The following ODAD2 variants were observed in gnomAD, a reference collection of about 807,000 sequenced individuals.
The protein encoded by ODAD2 is outer dynein arm docking complex subunit 2.
Under a neutral mutation model 106.8 loss-of-function variants are expected in ODAD2, and 89 were observed. The observed-to-expected ratio is 0.83, with a 90% CI of 0.70 to 0.99. ODAD2 has a LOEUF of 0.99. Ranked by LOEUF, ODAD2 falls within the 50% of genes least tolerant of loss-of-function variation. The pLI, the probability that ODAD2 is intolerant of heterozygous loss-of-function variation, is 0.00. For synonymous variants in ODAD2, 404 were observed against 436.2 expected, an observed-to-expected ratio of 0.93 and a Z score of 0.92; for missense variants, 1,168 against 1,238.5, an observed-to-expected ratio of 0.94 and a Z score of 0.85.
chr10:27,912,992 T>C (rs1844114365), intron 16 of ODAD2, among the ~76,000 whole-genome samples: 1 of 152,184 alleles, frequency 6.6e-6, no homozygotes, highest in East Asian at 1.9e-4. Flanking sequence ...AGTCTTGGGA[T>C]AAGTATGTCA....
intron 16 of ODAD2, among the ~76,000 whole-genome samples, chr10:27,934,743 G>A (rs1845845326): frequency 6.6e-6 from 1 of 152,062 alleles, no homozygotes; most frequent in Admixed American, 6.6e-5. Context: ...GAAAAGTTTT[G>A]TTGACTGAAT....
intron 19 of ODAD2, among the ~76,000 whole-genome samples, chr10:27,846,716 A>G (rs1253625837): frequency 6.7e-6 from 1 of 148,610 alleles, no homozygotes; most frequent in Non-Finnish European, 1.5e-5. Context: ...AATCAAATAG[A>G]CGCAATAAAA....
chr10:27,884,898 T>C (rs988991469), intron 17 of ODAD2, among the ~76,000 whole-genome samples: 18 of 152,168 alleles, frequency 1.2e-4, no homozygotes, highest in African/African-American at 4.3e-4. Flanking sequence ...CTGCTTTTAC[T>C]CTGGGATGAT....
intron 17 of ODAD2, among the ~76,000 whole-genome samples, chr10:27,885,893 A>ATATATT (rs1564467160): frequency 8.3e-5 from 10 of 121,088 alleles, no homozygotes; most frequent in African/African-American, 3.1e-4. Context: ...GGATATATAT[A>ATATATT]TTTATATATA....
rs1044076863 is a variant in ODAD2, at chr10:27,882,928, CA to C, written c.2611-20307del. 3.4e-4 allele frequency among the ~76,000 whole-genome samples: 48 copies of C among 141,342 alleles called. No homozygotes were observed. The South Asian group carries it at 7.1e-3, about 21-fold the overall frequency. The allele number at this position is 141,342 out of a possible 152,430, so 92.7% of individuals were successfully genotyped here. A position where few individuals can be genotyped will look rare whatever the true frequency, so the allele number is the denominator to read the frequency against. Reference sequence around the variant, plus strand: ...TACAAAATCAGTGGCAATTATTTAACAAAAAAAAAAGCTGCTTGAGATAAGC... The same window carrying C: ...TACAAAATCAGTGGCAATTATTTAACAAAAAAAAAGCTGCTTGAGATAAGC... On this transcript the variant is annotated intron_variant, in intron 17 of 19. Transcript: ENST00000305242.
At chr10:27,831,585 A>C (rs1837482845) in intron 19 of ODAD2, among the ~76,000 whole-genome samples, 1 of 152,250 alleles carries the variant, frequency 6.6e-6, no homozygotes, top group South Asian at 2.1e-4. Context: ...CCAAAGTTGC[A>C]GATCTTGGCA....
Position 27,991,235 on chromosome 10 carries a change from A to G in ODAD2, c.224+3684T>C, listed in dbSNP as rs185991352. 5.3e-4 allele frequency among the ~76,000 whole-genome samples: 80 copies of G among 152,334 alleles called. 1 individual carries two copies. The East Asian group carries it at 0.015, about 28-fold the overall frequency. On this transcript the variant is annotated intron_variant, in intron 2 of 19. Transcript: ENST00000305242. ...AGAGACCTATGATTTCCATGAAATG[A>G]AAGTAGAGCTATTTGACCCCCAGCC...
intron 16 of ODAD2, among the ~76,000 whole-genome samples, chr10:27,921,831 A>ATTT (rs748090989): frequency 9.4e-5 from 13 of 138,802 alleles, no homozygotes; most frequent in African/African-American, 3.4e-4. Flanking sequence ...ATAGAGCAGT[A>ATTT]TTTTATTTTT....
chr10:27,855,106 G>A (rs1332163450), intron 19 of ODAD2, among the ~76,000 whole-genome samples: 2 of 152,110 alleles, frequency 1.3e-5, no homozygotes, highest in Non-Finnish European at 2.9e-5. Flanking sequence ...ATGTGTGGGT[G>A]TAGGCATATA....
At chr10:27,842,043 C>A (rs959074968) in intron 19 of ODAD2, among the ~76,000 whole-genome samples, 4 of 152,178 alleles carry the variant, frequency 2.6e-5, no homozygotes, top group Non-Finnish European at 4.4e-5. Flanking sequence ...GCTGCAAATT[C>A]TTCTCCTCAC....
intron 3 of ODAD2, among the ~76,000 whole-genome samples, chr10:27,987,100 T>C (rs1299358754): frequency 2.0e-5 from 3 of 152,268 alleles, no homozygotes; most frequent in Non-Finnish European, 4.4e-5. Context: ...TTCCAGAAGC[T>C]GAGAAGGTTC....
intron 3 of ODAD2, among the ~76,000 whole-genome samples, chr10:27,986,126 G>A (rs1253871576): frequency 6.6e-6 from 1 of 152,166 alleles, no homozygotes; most frequent in Non-Finnish European, 1.5e-5. Flanking sequence ...CCTTAAGGCT[G>A]AGAAAAGGAC....
chr10:27,946,744 A>C (rs1931889), intron 10 of ODAD2, among the ~76,000 whole-genome samples: 1 of 151,948 alleles, frequency 6.6e-6, no homozygotes, highest in Non-Finnish European at 1.5e-5. Flanking sequence ...CTTCCCACAC[A>C]CCTCCTCCTT....
chr10:27,948,393 C>T (rs1038685838), intron 10 of ODAD2, among the ~76,000 whole-genome samples: 1 of 152,176 alleles, frequency 6.6e-6, no homozygotes, highest in African/African-American at 2.4e-5. Context: ...AAATATTCAA[C>T]ATACAGAGCC....
intron 6 of ODAD2, 36 bp from the exon 7 acceptor site, chr10:27,981,618 A>C (rs1214724170): frequency 7.3e-7 from 1 of 1,364,128 alleles, no homozygotes; most frequent in Admixed American, 2.6e-5. Flanking sequence ...TATGATTAAC[A>C]TAAGAACAAT....
At chr10:27,978,666 C>T (rs1006413696) in intron 7 of ODAD2, among the ~76,000 whole-genome samples, 2 of 151,834 alleles carry the variant, frequency 1.3e-5, no homozygotes, top group African/African-American at 4.8e-5. Flanking sequence ...GTGGTGTGCA[C>T]CTGGAATCCC....
intron 1 of ODAD2, among the ~76,000 whole-genome samples, chr10:27,998,401 C>T (rs1850681020): frequency 1.3e-5 from 2 of 151,746 alleles, no homozygotes; most frequent in African/African-American, 4.8e-5. Context: ...GGTAAGGGGA[C>T]GAGGAGGGAA....
intron 10 of ODAD2, chr10:27,957,231 A>G (rs1847796370): frequency 6.6e-6 from 1 of 152,380 alleles, no homozygotes; most frequent in Non-Finnish European, 1.5e-5. Flanking sequence ...GAGGGATGCA[A>G]GAAAAGTAGG....
At chr10:27,874,210 A>G (rs896346829) in intron 17 of ODAD2, among the ~76,000 whole-genome samples, 4 of 152,126 alleles carry the variant, frequency 2.6e-5, no homozygotes, top group Admixed American at 6.5e-5. Flanking sequence ...TTTGCTTGGT[A>G]GATCTTCCTC....
Sources: allele counts gnomAD v4.1 joint callset (sites outside exome capture counted in the v4.1 genomes callset), GRCh38; gene constraint gnomAD v4.1.1; transcripts MANE v1.5; gene names NCBI Gene and HGNC (gene_info 2026-07-23, HGNC 2026-07-21).